The following SNTG1 variants were observed in gnomAD, a reference collection of about 807,000 sequenced individuals.
SNTG1 encodes syntrophin gamma 1, also known as gamma-1-syntrophin.
SNTG1 carries 39 observed loss-of-function variants against 74.7 expected under a neutral mutation model. That is an observed-to-expected ratio of 0.52 (90% confidence interval 0.40 to 0.68). The LOEUF (loss-of-function observed/expected upper bound fraction) is 0.68. Ranked by LOEUF, SNTG1 falls within the 30% of genes least tolerant of loss-of-function variation. The pLI, the probability that SNTG1 is intolerant of heterozygous loss-of-function variation, is 0.00. For synonymous variants in SNTG1, 254 were observed against 217.1 expected, an observed-to-expected ratio of 1.17 and a Z score of -1.49; for missense variants, 685 against 609.5, an observed-to-expected ratio of 1.12 and a Z score of -1.30.
At chr8:50,018,138 C>G (rs1601298) in intron 1 of SNTG1, among the ~76,000 whole-genome samples, 80,708 of 151,734 alleles carry the variant, frequency 0.53, 24,382 homozygotes, top group East Asian at 0.8. Flanking sequence ...AAAATCCTAG[C>G]AAGTGTTTTG....
At chr8:50,309,644 T>C (rs1277542798) in intron 2 of SNTG1, among the ~76,000 whole-genome samples, 1 of 152,172 alleles carries the variant, frequency 6.6e-6, no homozygotes, top group Non-Finnish European at 1.5e-5. Context: ...CATTGAGGGC[T>C]GGAACAAATA....
chr8:50,014,797 G>A (rs1359071651), intron 1 of SNTG1, among the ~76,000 whole-genome samples: 1 of 152,036 alleles, frequency 6.6e-6, no homozygotes, highest in African/African-American at 2.4e-5. Context: ...TTAAAAAAAT[G>A]TCAGAAGAGA....
intron 1 of SNTG1, among the ~76,000 whole-genome samples, chr8:50,092,998 T>C (rs1041718116): frequency 4.6e-5 from 7 of 152,096 alleles, no homozygotes; most frequent in African/African-American, 1.7e-4. Context: ...TGGATCTCGT[T>C]GAAGGAGAAT....
At chr8:50,552,748 A>G (rs2094434367) in intron 11 of SNTG1, among the ~76,000 whole-genome samples, 1 of 152,196 alleles carries the variant, frequency 6.6e-6, no homozygotes, top group African/African-American at 2.4e-5. Flanking sequence ...TGGGAAAAGA[A>G]TGCATCTAAA....
rs371108534 is a variant in SNTG1 at position 50,553,107 on chromosome 8, C to A, written c.738C>A (p.Cys246Ter). ...VDGVCTGIIQCLSAEDCVDWL... is the reference protein window; with the variant it reads ...VDGVCTGIIQ ...GGGTCTGCACTGGGATTATTCAGTG[C>A]CTCTCTGCTGAAGACTGCGTTGACT... Residue 246 changes from cysteine (C) to a stop codon, truncating the protein, a stop_gained, in exon 12 of 19, where the codon TGC becomes TGA. Coordinates refer to ENST00000642720, the MANE Select transcript of SNTG1 (RefSeq NM_018967.5). LOFTEE classifies it high-confidence loss of function. 1.9e-6 allele frequency: 3 copies of A among 1,613,908 alleles called. No homozygotes were observed. The South Asian group carries it at 3.3e-5, about 18-fold the overall frequency.
chr8:50,653,048 T>G (rs1234869713), intron 13 of SNTG1, among the ~76,000 whole-genome samples: 1 of 152,004 alleles, frequency 6.6e-6, no homozygotes, highest in African/African-American at 2.4e-5. Context: ...TTTTCTGTAC[T>G]TTTATGTCTT....
intron 1 of SNTG1, among the ~76,000 whole-genome samples, chr8:50,144,004 A>G (rs1333614771): frequency 6.6e-6 from 1 of 152,212 alleles, no homozygotes; most frequent in Admixed American, 6.5e-5. Flanking sequence ...ATTTGAGTCC[A>G]TGAATCCTGG....
intron 17 of SNTG1, among the ~76,000 whole-genome samples, chr8:50,746,057 A>C (rs1327686210): frequency 6.6e-6 from 1 of 152,038 alleles, no homozygotes; most frequent in Non-Finnish European, 1.5e-5. Context: ...ACACCAAAAG[A>C]AAATGTGAAT....
intron 2 of SNTG1, among the ~76,000 whole-genome samples, chr8:50,232,160 A>G (rs2085661895): frequency 6.6e-6 from 1 of 151,438 alleles, no homozygotes; most frequent in African/African-American, 2.4e-5. Context: ...TAAATAAACT[A>G]CAGAGCAATA....
intron 9 of SNTG1, among the ~76,000 whole-genome samples, chr8:50,516,478 T>G (rs1278877789): frequency 1.3e-5 from 2 of 152,042 alleles, no homozygotes; most frequent in African/African-American, 4.8e-5. Flanking sequence ...CTTCAGAAGG[T>G]GGGTAATAAC....
At chr8:50,624,200 T>A (rs1312509576) in intron 13 of SNTG1, among the ~76,000 whole-genome samples, 1 of 152,082 alleles carries the variant, frequency 6.6e-6, no homozygotes, top group Non-Finnish European at 1.5e-5. Flanking sequence ...TAAAAAATGT[T>A]TCTTTATAGC....
At position 50,505,502 on chromosome 8, in the gene SNTG1, T is replaced by G. The variant is rs531538172; in HGVS notation, c.466+2622T>G. On this transcript the variant is annotated intron_variant, in intron 9 of 18. Transcript: ENST00000642720. Reference sequence around the variant, plus strand: ...ATATCCTCACCAGCACTTCTTATTTTCTGTTTTTTTGCTTTGTTTTGTTTT... The same window carrying G: ...ATATCCTCACCAGCACTTCTTATTTGCTGTTTTTTTGCTTTGTTTTGTTTT... Among the ~76,000 whole-genome samples, 11 of 152,282 alleles carry G rather than the reference T, an allele frequency of 7.2e-5. No homozygotes were observed. The East Asian group carries it at 2.1e-3, about 29-fold the overall frequency.
At chr8:50,229,733 T>A (rs993307651) in intron 2 of SNTG1, among the ~76,000 whole-genome samples, 2 of 151,548 alleles carry the variant, frequency 1.3e-5, no homozygotes, top group African/African-American at 4.8e-5. Context: ...ATCAGTTAGT[T>A]CTAATGGCTT....
At chr8:50,225,960 G>A (rs2085307541) in intron 2 of SNTG1, among the ~76,000 whole-genome samples, 1 of 152,018 alleles carries the variant, frequency 6.6e-6, no homozygotes, top group Non-Finnish European at 1.5e-5. Flanking sequence ...TTACACTATT[G>A]TTAATTATGT....
intron 2 of SNTG1, among the ~76,000 whole-genome samples, chr8:50,376,785 A>AGAGAGAGAGAGAGAGAG (rs2092396412): frequency 7.0e-6 from 1 of 143,134 alleles, no homozygotes; most frequent in Non-Finnish European, 1.5e-5. Flanking sequence ...AGAGAGAGAG[A>AGAGAGAGAGAGAGAGAG]ATAGTGCTTC....
intron 2 of SNTG1, among the ~76,000 whole-genome samples, chr8:50,281,360 G>T (rs2088442720): frequency 6.6e-6 from 1 of 152,052 alleles, no homozygotes; most frequent in African/African-American, 2.4e-5. Context: ...GAATCCCCTT[G>T]GTTCATAGGG....
chr8:50,406,998 T>A (rs2092884718), intron 4 of SNTG1, among the ~76,000 whole-genome samples: 2 of 152,100 alleles, frequency 1.3e-5, no homozygotes, highest in Non-Finnish European at 2.9e-5. Flanking sequence ...CCTTTGTCTG[T>A]TTTTTAAAAC....
At chr8:50,660,798 G>C (rs1346516422) in intron 15 of SNTG1, among the ~76,000 whole-genome samples, 1 of 152,076 alleles carries the variant, frequency 6.6e-6, no homozygotes, top group African/African-American at 2.4e-5. Flanking sequence ...ATTATGTTTA[G>C]CTCTATCAAG....
At chr8:50,286,051 T>C (rs956796945) in intron 2 of SNTG1, among the ~76,000 whole-genome samples, 2 of 152,330 alleles carry the variant, frequency 1.3e-5, no homozygotes, top group South Asian at 2.1e-4. Flanking sequence ...TCTAACATTA[T>C]ATACACATGT....
Sources: gnomAD v4.1 joint callset for allele counts (sites outside exome capture counted in the v4.1 genomes callset) on GRCh38, gnomAD v4.1.1 for gene constraint, MANE v1.5 for transcripts, NCBI Gene and HGNC (gene_info 2026-07-23, HGNC 2026-07-21) for gene names.